The following NBPF15 variants were observed in gnomAD, a reference collection of about 807,000 sequenced individuals.
NBPF15 encodes NBPF family member NBPF15.
A neutral mutation model predicts 62.2 loss-of-function variants in NBPF15; 74 were observed. The observed-to-expected ratio is 1.19, with a 90% CI of 0.99 to 1.44. NBPF15 has a LOEUF of 1.44. NBPF15 is among the 40% of genes most tolerant of loss of function. The probability of loss-of-function intolerance (pLI) is 0.00; values close to 1 mark genes in which losing one functional copy is unlikely to be tolerated. For synonymous variants in NBPF15, 244 were observed against 209.7 expected (o/e 1.16, Z -1.41); for missense variants, 790 against 550.0 (o/e 1.44, Z -4.36).
At position 144,455,382 on chromosome 1, in the gene NBPF15, G is replaced by A. The variant is rs1488185892; in HGVS notation, c.-432+1155C>T. Reference sequence around the variant, plus strand: ...CAGTATTTCCCATTAACAGGAACACGCTAACTAGTTATTGGAGACAGATGC... The same window carrying A: ...CAGTATTTCCCATTAACAGGAACACACTAACTAGTTATTGGAGACAGATGC... On this transcript the variant is annotated intron_variant, in intron 4 of 21. Transcript: ENST00000581897. Among the ~76,000 whole-genome samples, 11 of 151,960 alleles carry A rather than the reference G, an allele frequency of 7.2e-5. 1 individual carries two copies. The highest frequency in any genetic ancestry group is 3.9e-4 in the East Asian group (2 of 5,182).
chr1:144,455,359 G>A (rs1375799432), intron 4 of NBPF15, among the ~76,000 whole-genome samples: 3 of 152,012 alleles, frequency 2.0e-5, no homozygotes, highest in South Asian at 2.1e-4. Flanking sequence ...TACACCACCA[G>A]TATTTCCCAT....
chr1:144,454,939 C>A (rs1693439067), intron 4 of NBPF15, among the ~76,000 whole-genome samples: 1 of 150,720 alleles, frequency 6.6e-6, no homozygotes, highest in Non-Finnish European at 1.5e-5. Flanking sequence ...AGAAGCAGCT[C>A]CAGAGGTTTT....
In NBPF15 at chr1:144,461,476, A is replaced by G. The variant is rs587694535; in HGVS notation, c.-1033T>C. On this transcript the variant is annotated 5_prime_UTR_variant, in exon 1 of 22. Coordinates refer to ENST00000581897, the MANE Select transcript of NBPF15 (RefSeq NM_001385408.1). ...CCCATCCAGACGGCATCCGTGCGCC[A>G]CGCCTCGGCCCGCTCCTGGCGCCAC... 14,460 of 152,472 alleles carry G rather than the reference A, an allele frequency of 0.095. 1,892 individuals carry two copies. The highest frequency in any genetic ancestry group is 0.29 in the African/African-American group (12,037 of 41,360). 9.4% of individuals were successfully genotyped at this position (152,472 alleles called of 1,614,324 possible). A position where few individuals can be genotyped will look rare whatever the true frequency, so the allele number is the denominator to read the frequency against.
At chr1:144,439,281 C>T in intron 8 of NBPF15, among the ~76,000 whole-genome samples, 1 of 152,014 alleles carries the variant, frequency 6.6e-6, no homozygotes, top group Non-Finnish European at 1.5e-5. Flanking sequence ...CATGCACGGC[C>T]CCTACTCCCT....
Position 144,422,804 on chromosome 1 carries a change from T to C in NBPF15, c.*209A>G. The C allele has an allele frequency of 2.4e-6, 3 of 1,257,418 alleles. No homozygotes were observed. The highest frequency in any genetic ancestry group is 2.9e-5 in the South Asian group (2 of 68,390). 77.9% of individuals were successfully genotyped at this position (1,257,418 alleles called of 1,614,324 possible). A position where few individuals can be genotyped will look rare whatever the true frequency, so the allele number is the denominator to read the frequency against. Reference sequence around the variant, plus strand: ...TCACTCCCGGCATGTTCTGCACAGTTATGTGAACGTGTCACACCTAACATG... The same window carrying C: ...TCACTCCCGGCATGTTCTGCACAGTCATGTGAACGTGTCACACCTAACATG... On this transcript the variant is annotated 3_prime_UTR_variant, in exon 22 of 22. Transcript: ENST00000581897.
chr1:144,440,065 A>T, intron 7 of NBPF15, 27 bp from the exon 8 acceptor site: 1 of 1,559,284 alleles, frequency 6.4e-7, no homozygotes, highest in Non-Finnish European at 8.8e-7. Flanking sequence ...CAAACATATG[A>T]TGGGTTAAAA....
At chr1:144,434,665 G>A (rs1470147793) in intron 12 of NBPF15, among the ~76,000 whole-genome samples, 6 of 151,456 alleles carry the variant, frequency 4.0e-5, no homozygotes, top group Non-Finnish European at 7.4e-5. Flanking sequence ...GTGCAGCTAA[G>A]CAAGCTGACT....
intron 6 of NBPF15, among the ~76,000 whole-genome samples, chr1:144,445,714 A>C (rs1687021437): frequency 6.6e-6 from 1 of 151,636 alleles, no homozygotes; most frequent in Non-Finnish European, 1.5e-5. Context: ...ATTTACGAAG[A>C]ACTGACTTTT....
intron 3 of NBPF15, among the ~76,000 whole-genome samples, chr1:144,457,334 G>C: frequency 6.6e-6 from 1 of 151,890 alleles, no homozygotes; most frequent in South Asian, 2.1e-4. Flanking sequence ...TGGTCTATCT[G>C]TACACGTATA....
intron 9 of NBPF15, among the ~76,000 whole-genome samples, chr1:144,437,381 T>A: frequency 6.7e-6 from 1 of 149,676 alleles, no homozygotes; most frequent in African/African-American, 2.5e-5. Flanking sequence ...TAATTCCGTT[T>A]CAAAAAGACA....
intron 14 of NBPF15, among the ~76,000 whole-genome samples, chr1:144,429,455 T>C (rs1292252478): frequency 1.3e-5 from 2 of 151,060 alleles, no homozygotes; most frequent in Non-Finnish European, 2.9e-5. Flanking sequence ...GAGTTCAATG[T>C]CGTGACAGTC....
intron 5 of NBPF15, among the ~76,000 whole-genome samples, chr1:144,449,687 A>T (rs1455952355): frequency 1.3e-5 from 2 of 151,788 alleles, no homozygotes; most frequent in Admixed American, 6.6e-5. Flanking sequence ...TGTGGATCCT[A>T]ACTAAGAAAC....
intron 4 of NBPF15, among the ~76,000 whole-genome samples, chr1:144,456,238 T>G (rs1399085413): frequency 2.9e-5 from 4 of 138,806 alleles, no homozygotes; most frequent in Admixed American, 7.1e-5. Flanking sequence ...GAATGGGGGG[T>G]AAGAGGGGAA....
At chr1:144,425,684 A>T in intron 18 of NBPF15, 116 bp from the exon 19 acceptor site, 1 of 580,076 alleles carries the variant, frequency 1.7e-6, no homozygotes, top group Non-Finnish European at 3.1e-6. Context: ...GAACAGGACA[A>T]TGTGAGAGAG....
chr1:144,449,669 T>C (rs1220941789), intron 5 of NBPF15, among the ~76,000 whole-genome samples: 1 of 151,932 alleles, frequency 6.6e-6, no homozygotes, highest in African/African-American at 2.4e-5. Flanking sequence ...AGAGGGTCAG[T>C]CCCAGGCTGT....
intron 16 of NBPF15, 103 bp downstream of exon 16, chr1:144,427,715 G>A: frequency 1.6e-6 from 1 of 614,420 alleles, no homozygotes; most frequent in African/African-American, 2.0e-5. Context: ...TCCTCCCTGT[G>A]GCAATGACAT....
chr1:144,444,548 G>C (rs1685889545), intron 6 of NBPF15, among the ~76,000 whole-genome samples: 1 of 151,744 alleles, frequency 6.6e-6, no homozygotes, highest in African/African-American at 2.4e-5. Context: ...GACCCATTTA[G>C]ATTAACTGAA....
chr1:144,445,342 T>TAC (rs1348454975), intron 6 of NBPF15, among the ~76,000 whole-genome samples: 53 of 123,732 alleles, frequency 4.3e-4, no homozygotes, highest in African/African-American at 1.7e-3. Context: ...AATATATATA[T>TAC]ATATATATAT....
At chr1:144,426,790 C>A (rs1447929986) in intron 17 of NBPF15, among the ~76,000 whole-genome samples, 1 of 151,304 alleles carries the variant, frequency 6.6e-6, no homozygotes, top group Non-Finnish European at 1.5e-5. Context: ...CAATAATTTT[C>A]CATAAACTTG....
Sources: allele counts gnomAD v4.1 joint callset (sites outside exome capture counted in the v4.1 genomes callset), GRCh38; gene constraint gnomAD v4.1.1; transcripts MANE v1.5; gene names NCBI Gene and HGNC (gene_info 2026-07-23, HGNC 2026-07-21).